Variants in BRSK2 observed in about 807,000 individuals in gnomAD.
The protein encoded by BRSK2 is BR serine/threonine kinase 2.
A neutral mutation model predicts 83.3 loss-of-function variants in BRSK2; 19 were observed. That is an observed-to-expected ratio of 0.23 (90% CI 0.16 to 0.33). The LOEUF is 0.33. Ranked by LOEUF, BRSK2 falls within the 10% of genes least tolerant of loss-of-function variation. The pLI is 1.00. For synonymous variants in BRSK2, 519 were observed against 435.4 expected (o/e 1.19, Z -2.39); for missense variants, 798 against 1,042.3 (o/e 0.77, Z 3.23).
At position 1,445,345 on chromosome 11, in the gene BRSK2, G is replaced by C; in HGVS notation, c.864G>C (p.Gln288His). Reference protein sequence around the residue: ...EPEQPIPRKVQIRSLPSLEDI... With the variant: ...EPEQPIPRKVHIRSLPSLEDI... Reference sequence around the variant, plus strand: ...AGCAGCCCATTCCTCGCAAGGTGCAGATCCGCTCGCTGCCCAGCCTGGAGG... The same window carrying C: ...AGCAGCCCATTCCTCGCAAGGTGCACATCCGCTCGCTGCCCAGCCTGGAGG... The change falls in exon 10 of 20, where the codon CAG becomes CAC. Residue 288 changes from glutamine (Q) to histidine (H), a missense_variant. By Grantham distance (24) the Gln-to-His change is conservative. Coordinates refer to ENST00000528841, the MANE Select transcript of BRSK2 (RefSeq NM_001256627.2). 6.2e-7 allele frequency: 1 copy of C among 1,611,756 alleles called. No homozygotes were observed. The highest frequency in any genetic ancestry group is 1.1e-5 in the South Asian group (1 of 90,834).
Position 1,460,376 on chromosome 11 carries a change from G to A in BRSK2, c.1988-124G>A. 3.6e-6 allele frequency: 4 copies of A among 1,096,882 alleles called. No individual in the cohort carries two copies. In the South Asian group the frequency reaches 7.4e-5, roughly 20 times the overall value. The allele number at this position is 1,096,882 out of a possible 1,614,324, so 67.9% of individuals were successfully genotyped here. On this transcript the variant is annotated intron_variant, in intron 19 of 19. Transcript: ENST00000528841. The stretch of plus-strand genomic sequence containing the variant: ...ATCTCTGGGTTCTTTCCCTCGTCGA[G>A]GCCTCTTCGTTCATTTGTTTGTTTG...
chr11:1,457,007 G>C (rs752991203), intron 18 of BRSK2: 1 of 1,596,550 alleles, frequency 6.3e-7, no homozygotes, highest in Non-Finnish European at 8.5e-7. Context: ...TTAAGGGCCA[G>C]AAGGTGGCCA....
intron 1 of BRSK2, among the ~76,000 whole-genome samples, chr11:1,412,759 G>A (rs934228200): frequency 2.0e-5 from 3 of 149,822 alleles, no homozygotes; most frequent in African/African-American, 7.6e-5. Context: ...CCTGCTGGGA[G>A]TGGGCAACGG....
At chr11:1,416,741 C>T (rs375908665) in intron 1 of BRSK2, among the ~76,000 whole-genome samples, 40 of 152,214 alleles carry the variant, frequency 2.6e-4, no homozygotes, top group South Asian at 2.3e-3. Context: ...TTGTGTGTTT[C>T]GCAGTGACCC....
chr11:1,401,723 TGAG>T (rs924831237), intron 1 of BRSK2, among the ~76,000 whole-genome samples: 1 of 152,056 alleles, frequency 6.6e-6, no homozygotes, highest in Admixed American at 6.5e-5. Flanking sequence ...TTGCCGACTT[TGAG>T]GAGGAGGAAA....
intron 12 of BRSK2, among the ~76,000 whole-genome samples, chr11:1,446,721 G>A (rs912527668): frequency 1.3e-5 from 2 of 152,338 alleles, no homozygotes; most frequent in Admixed American, 6.5e-5. Context: ...CTTGGAGCCG[G>A]TGCGGCCTCT....
At chr11:1,435,863 C>T (rs1051626671) in intron 1 of BRSK2, among the ~76,000 whole-genome samples, 177 bp from the exon 2 acceptor site, 7 of 151,676 alleles carry the variant, frequency 4.6e-5, no homozygotes, top group Admixed American at 6.6e-5. Context: ...GGCAGCGTGA[C>T]GCCAGCACTG....
At chr11:1,392,146 C>G (rs1274426983) in intron 1 of BRSK2, among the ~76,000 whole-genome samples, 1 of 152,210 alleles carries the variant, frequency 6.6e-6, no homozygotes, top group East Asian at 1.9e-4. Context: ...GCTGAAGGGT[C>G]ACCAGGAGTT....
intron 1 of BRSK2, among the ~76,000 whole-genome samples, chr11:1,399,858 C>T (rs886547250): frequency 5.3e-5 from 8 of 151,994 alleles, no homozygotes; most frequent in Non-Finnish European, 7.4e-5. Flanking sequence ...CTGTGGTTCC[C>T]GAGGCTTTTC....
intron 1 of BRSK2, among the ~76,000 whole-genome samples, chr11:1,418,455 T>G (rs979517884): frequency 2.0e-5 from 3 of 148,242 alleles, no homozygotes; most frequent in African/African-American, 7.5e-5. Flanking sequence ...CTGTTGGCTG[T>G]TTCTTCTCTT....
At chr11:1,455,284 G>A (rs1846353234) in intron 16 of BRSK2, among the ~76,000 whole-genome samples, 1 of 143,488 alleles carries the variant, frequency 7.0e-6, no homozygotes, top group Non-Finnish European at 1.5e-5. Flanking sequence ...TGCACCCAGC[G>A]CCCAGGCATC....
chr11:1,422,869 C>T (rs570210870), intron 1 of BRSK2, among the ~76,000 whole-genome samples: 21 of 152,286 alleles, frequency 1.4e-4, no homozygotes, highest in South Asian at 4.1e-4. Context: ...AGCTGGGGGC[C>T]GCTGCCCACC....
At position 1,429,511 on chromosome 11, in the gene BRSK2, C is replaced by T. The variant is rs116415969; in HGVS notation, c.92-6529C>T. ...CCTGCCCAGGGCCCTGCTGCTCTGT[C>T]GCCAGCATCCTGCTGTGCCCAGCAG... On this transcript the variant is annotated intron_variant, in intron 1 of 19. Transcript: ENST00000528841. Among the ~76,000 whole-genome samples, 507 of 149,298 alleles carry T rather than the reference C, an allele frequency of 3.4e-3. 29 individuals are homozygous for T. The highest frequency in any genetic ancestry group is 0.012 in the African/African-American group (483 of 38,682).
At position 1,438,409 on chromosome 11, in the gene BRSK2, T is replaced by G; in HGVS notation, c.272+18T>G. On this transcript the variant is annotated intron_variant, in intron 3 of 19. Coordinates refer to ENST00000528841, the MANE Select transcript of BRSK2 (RefSeq NM_001256627.2). This position sits in a 1 kb window ranked among gnomAD's most constrained non-coding sequence, Gnocchi z 6.4. Reference sequence around the variant, plus strand: ...AAATATTTGTAGGTATTGCTGGGTCTGAAGAGCTGGGGTGGCGGAGGTGGC... The same window carrying G: ...AAATATTTGTAGGTATTGCTGGGTCGGAAGAGCTGGGGTGGCGGAGGTGGC... 8 of 1,611,524 alleles carry G rather than the reference T, an allele frequency of 5.0e-6. No individual in the cohort carries two copies. Among genetic ancestry groups the G allele is most frequent in the Non-Finnish European group, 6.8e-6 (8 of 1,177,904 alleles).
chr11:1,402,754 C>T lies in BRSK2; in HGVS notation c.91+12379C>T, dbSNP rs547856887. 3.3e-4 allele frequency among the ~76,000 whole-genome samples: 51 copies of T among 152,300 alleles called. 1 individual carries two copies. Among genetic ancestry groups the T allele is most frequent in the African/African-American group, 1.2e-3 (48 of 41,556 alleles). On this transcript the variant is annotated intron_variant, in intron 1 of 19. Transcript: ENST00000528841. Reference sequence around the variant, plus strand: ...CCCTCACTCAGGGACACAGGGTCTCCTGCCAAAGGCAGAGGGAGTGGAGTG... The same window carrying T: ...CCCTCACTCAGGGACACAGGGTCTCTTGCCAAAGGCAGAGGGAGTGGAGTG...
rs74956486 is a variant in BRSK2, at chr11:1,438,058, G to A, written c.187-248G>A. ...CACAGCTGGCACCAAAGGCCCCTGC[G>A]TCCCCCACAGCTGGCACCAAAGGCC... On this transcript the variant is annotated intron_variant, in intron 2 of 19. Transcript: ENST00000528841. This position sits in a 1 kb window ranked among gnomAD's most constrained non-coding sequence, Gnocchi z 6.4. Among the ~76,000 whole-genome samples the A allele has an allele frequency of 3.4e-5, 5 of 145,570 alleles. No homozygotes were observed. Among genetic ancestry groups the A allele is most frequent in the African/African-American group, 1.3e-4 (5 of 39,200 alleles).
rs1846238155 is a variant in BRSK2 at position 1,454,559 on chromosome 11, A to G, written c.1619A>G (p.Asp540Gly). The G allele has an allele frequency of 6.2e-7, 1 of 1,613,140 alleles. No homozygotes were observed. The highest frequency in any genetic ancestry group is 1.3e-5 in the African/African-American group (1 of 74,892). ...KEEQIFVVIK[D>G]KPLSSIKADI... ...GAGCAGATCTTCGTGGTCATCAAAG[A>G]CAAACCTCTGAGCTCCATCAAGGCT... Residue 540 changes from aspartate to glycine, a missense_variant, in exon 16 of 20, where the codon GAC becomes GGC. Transcript: ENST00000528841. This position sits in a 1 kb window ranked among gnomAD's most constrained non-coding sequence, Gnocchi z 5.2.
At chr11:1,428,200 G>A (rs909054796) in intron 1 of BRSK2, among the ~76,000 whole-genome samples, 1 of 152,170 alleles carries the variant, frequency 6.6e-6, no homozygotes, top group Non-Finnish European at 1.5e-5. Context: ...CTGAGCCACT[G>A]CGAGGCTCCT....
intron 1 of BRSK2, among the ~76,000 whole-genome samples, chr11:1,399,994 A>G (rs1039293155): frequency 6.6e-6 from 1 of 152,238 alleles, no homozygotes; most frequent in African/African-American, 2.4e-5. Context: ...GAATAGTCCC[A>G]GCCACCATTT....
Sources: allele counts gnomAD v4.1 joint callset (sites outside exome capture counted in the v4.1 genomes callset), GRCh38; gene constraint gnomAD v4.1.1; non-coding constraint Gnocchi (gnomAD v3.1); transcripts MANE v1.5; gene names NCBI Gene and HGNC (gene_info 2026-07-23, HGNC 2026-07-21).